The following TRIM2 variants were observed in gnomAD, a reference collection of about 807,000 sequenced individuals.
TRIM2 encodes the protein tripartite motif-containing protein 2.
Under a neutral mutation model 75.2 loss-of-function variants are expected in TRIM2, and 20 were observed. That is an observed-to-expected ratio of 0.27 (90% CI 0.19 to 0.39). TRIM2 has a LOEUF of 0.39. Ranked by LOEUF, TRIM2 falls within the 10% of genes least tolerant of loss-of-function variation. The pLI, the probability that TRIM2 is intolerant of heterozygous loss-of-function variation, is 1.00. For missense variants in TRIM2, 660 were observed against 990.8 expected (o/e 0.67, Z 4.48); for synonymous variants, 373 against 388.3 (o/e 0.96, Z 0.46).
At position 153,308,301 on chromosome 4, in the gene TRIM2, A is replaced by G. The variant is rs1387587378; in HGVS notation, c.1511-7184A>G. ...TGTGTCCGAAATAATGTCCTTCTCCAGATCAGTCTTGTACATTTCCTTGTA... is the reference window on the plus strand; with the variant it reads ...TGTGTCCGAAATAATGTCCTTCTCCGGATCAGTCTTGTACATTTCCTTGTA... On this transcript the variant is annotated intron_variant, in intron 6 of 11. Transcript: ENST00000338700. 3 of 1,536,960 alleles carry G rather than the reference A, an allele frequency of 2.0e-6. No homozygotes were observed. In the East Asian group the frequency reaches 6.8e-5, roughly 35 times the overall value.
chr4:153,178,535 G>C (rs1267556160), intron 1 of TRIM2, among the ~76,000 whole-genome samples: 1 of 152,150 alleles, frequency 6.6e-6, no homozygotes, highest in Non-Finnish European at 1.5e-5. Context: ...GTTTGAGAGA[G>C]GGTAAAAATG....
chr4:153,295,852 C>T lies in TRIM2; in HGVS notation c.1326C>T (p.Ser442=), dbSNP rs1762658231. The T allele has an allele frequency of 6.2e-7, 1 of 1,614,082 alleles. No homozygotes were observed. The change falls in exon 6 of 12, where the codon AGC becomes AGT. Residue 442 remains serine (S), a synonymous_variant. Coordinates refer to ENST00000338700, the MANE Select transcript of TRIM2 (RefSeq NM_015271.5). This position sits in a 1 kb window ranked among gnomAD's most constrained non-coding sequence, Gnocchi z 7.2. ...LRLYDQHIRG[S]PFKLKVIRSA... Reference sequence around the variant, plus strand: ...TCTATGACCAGCACATCCGAGGCAGCCCGTTTAAGCTGAAAGTGATCCGAT... The same window carrying T: ...TCTATGACCAGCACATCCGAGGCAGTCCGTTTAAGCTGAAAGTGATCCGAT...
chr4:153,178,099 G>A (rs1731659568), intron 1 of TRIM2, among the ~76,000 whole-genome samples: 1 of 152,054 alleles, frequency 6.6e-6, no homozygotes, highest in Non-Finnish European at 1.5e-5. Context: ...ACCGCACCTG[G>A]CCATGATTAG....
intron 1 of TRIM2, among the ~76,000 whole-genome samples, chr4:153,225,348 AG>A (rs1741820370): frequency 6.6e-6 from 1 of 152,212 alleles, no homozygotes. Context: ...TGATGAAGAC[AG>A]GAACAATGAT....
intron 8 of TRIM2, among the ~76,000 whole-genome samples, chr4:153,319,495 G>A (rs371051219): frequency 3.9e-5 from 6 of 152,188 alleles, no homozygotes; most frequent in East Asian, 1.9e-4. Context: ...TTGGGAGGCC[G>A]CAGCGGGCAA....
At chr4:153,315,761 G>A (rs1434854057) in intron 7 of TRIM2, 71 bp from the exon 8 acceptor site, 2 of 1,552,604 alleles carry the variant, frequency 1.3e-6, no homozygotes, top group Non-Finnish European at 1.8e-6. Context: ...TATGGCAGAT[G>A]TTTCTGCCTA....
chr4:153,307,684 G>T (rs561784199), intron 6 of TRIM2: 52 of 504,328 alleles, frequency 1.0e-4, no homozygotes, highest in Non-Finnish European at 1.9e-4. Flanking sequence ...GGGACTGCTA[G>T]TCACAAGCGG....
At chr4:153,178,514 C>G (rs1731708681) in intron 1 of TRIM2, among the ~76,000 whole-genome samples, 1 of 152,176 alleles carries the variant, frequency 6.6e-6, no homozygotes, top group South Asian at 2.1e-4. Context: ...AGAAGTCACA[C>G]TTATTTTGCA....
At chr4:153,208,117 T>G (rs10029058) in intron 1 of TRIM2, among the ~76,000 whole-genome samples, 84,292 of 151,886 alleles carry the variant, frequency 0.55, 23,757 homozygotes, top group East Asian at 0.78. Context: ...GCAACATAGT[T>G]AGACTTTGTC....
intron 9 of TRIM2, among the ~76,000 whole-genome samples, chr4:153,323,134 A>T (rs1437757148): frequency 6.6e-6 from 1 of 152,216 alleles, no homozygotes; most frequent in Non-Finnish European, 1.5e-5. Context: ...AACAAGGAAT[A>T]ACTACTGTTT....
intron 11 of TRIM2, among the ~76,000 whole-genome samples, chr4:153,334,056 T>C (rs888338397): frequency 6.6e-6 from 1 of 151,928 alleles, no homozygotes; most frequent in Non-Finnish European, 1.5e-5. Flanking sequence ...CATCATCTAG[T>C]TGCTGATTTT....
At chr4:153,181,301 C>G (rs1732036557) in intron 1 of TRIM2, among the ~76,000 whole-genome samples, 1 of 152,236 alleles carries the variant, frequency 6.6e-6, no homozygotes, top group Non-Finnish European at 1.5e-5. Flanking sequence ...CTCTCCTGCT[C>G]TCTAGAAAGC....
chr4:153,262,055 G>A (rs1429521793), intron 1 of TRIM2, among the ~76,000 whole-genome samples: 2 of 152,168 alleles, frequency 1.3e-5, no homozygotes, highest in Non-Finnish European at 2.9e-5. Flanking sequence ...TAGTTGGCAA[G>A]CCCCCATTAA....
chr4:153,223,756 C>T (rs532032720), intron 1 of TRIM2, among the ~76,000 whole-genome samples: 1 of 152,254 alleles, frequency 6.6e-6, no homozygotes, highest in Non-Finnish European at 1.5e-5. Context: ...CCACCAGGCC[C>T]CTTTGCTTTC....
rs1390750365 is a variant in TRIM2 at position 153,336,010 on chromosome 4, T to G, written c.*1044T>G. The G allele has an allele frequency of 2.0e-6, 2 of 985,740 alleles. No homozygotes were observed. Among genetic ancestry groups the G allele is most frequent in the African/African-American group, 3.5e-5 (2 of 57,222 alleles). The allele number at this position is 985,740 out of a possible 1,614,324, so 61.1% of individuals were successfully genotyped here. ...AAGTGTTACCAAAGTTGTGTTATCT[T>G]GAAAGCATTACAGGTAAGGGCATGT... On this transcript the variant is annotated 3_prime_UTR_variant, in exon 12 of 12. Transcript: ENST00000338700.
intron 2 of TRIM2, among the ~76,000 whole-genome samples, chr4:153,271,935 T>C (rs1756778606): frequency 6.6e-6 from 1 of 152,148 alleles, no homozygotes; most frequent in South Asian, 2.1e-4. Context: ...TGGGTCCTAC[T>C]TCCTCACTCT....
At chr4:153,244,089 G>C (rs1233787678) in intron 1 of TRIM2, among the ~76,000 whole-genome samples, 1 of 151,254 alleles carries the variant, frequency 6.6e-6, no homozygotes, top group East Asian at 2.0e-4. Flanking sequence ...CAAAGTGCTG[G>C]GATTACACAC....
intron 10 of TRIM2, 45 bp downstream of exon 10, chr4:153,324,193 T>C (rs761425614): frequency 7.4e-5 from 114 of 1,540,330 alleles, no homozygotes; most frequent in East Asian, 3.2e-4. Context: ...ACTGCTTTTA[T>C]GGAGAAATTG....
At chr4:153,156,207 C>T (rs1729217559) in intron 1 of TRIM2, among the ~76,000 whole-genome samples, 1 of 152,172 alleles carries the variant, frequency 6.6e-6, no homozygotes, top group African/African-American at 2.4e-5. Context: ...TGGGAGCTCT[C>T]CCGGGGCCTC....
Sources: gnomAD v4.1 joint callset for allele counts (sites outside exome capture counted in the v4.1 genomes callset) on GRCh38, gnomAD v4.1.1 for gene constraint, Gnocchi (gnomAD v3.1) non-coding constraint, MANE v1.5 for transcripts, NCBI Gene and HGNC (gene_info 2026-07-23, HGNC 2026-07-21) for gene names.